ADGRL3: variants seen among roughly 807,000 people sequenced by gnomAD.
ADGRL3 encodes the protein adhesion G protein-coupled receptor L3.
In ADGRL3, 62 loss-of-function variants were observed where a neutral mutation model predicts 153.5. The ratio of observed to expected loss-of-function variants is 0.40; its 90% CI spans 0.33 to 0.50. ADGRL3 has a LOEUF of 0.50. ADGRL3 is among the 20% of genes least tolerant of loss of function. The probability of loss-of-function intolerance (pLI) is 0.47; values close to 1 mark genes in which losing one functional copy is unlikely to be tolerated. For synonymous variants in ADGRL3, 710 were observed against 672.5 expected (o/e 1.06, Z -0.86); for missense variants, 1,641 against 1,859.4 (o/e 0.88, Z 2.16).
intron 2 of ADGRL3, among the ~76,000 whole-genome samples, chr4:61,421,287 GCA>G (rs1553925293): frequency 1.3e-5 from 2 of 151,814 alleles, no homozygotes; most frequent in Non-Finnish European, 2.9e-5. Flanking sequence ...TGAGCCAAGA[GCA>G]CGCCACTGCA....
At chr4:61,455,476 C>A (rs2097723802) in intron 2 of ADGRL3, among the ~76,000 whole-genome samples, 1 of 152,068 alleles carries the variant, frequency 6.6e-6, no homozygotes, top group South Asian at 2.1e-4. Flanking sequence ...CAAGAAGTTT[C>A]CTCAGAATTA....
intron 4 of ADGRL3, among the ~76,000 whole-genome samples, chr4:61,548,429 CT>C (rs1471015288): frequency 6.6e-6 from 1 of 152,048 alleles, no homozygotes; most frequent in Non-Finnish European, 1.5e-5. Flanking sequence ...ACATTTGAGC[CT>C]TTAATCCATC....
intron 2 of ADGRL3, among the ~76,000 whole-genome samples, chr4:61,455,429 A>G: frequency 6.6e-6 from 1 of 152,200 alleles, no homozygotes; most frequent in East Asian, 1.9e-4. Context: ...CTGAGACTGG[A>G]TGCTGAGACC....
At chr4:61,414,326 T>C (rs1328164442) in intron 2 of ADGRL3, among the ~76,000 whole-genome samples, 3 of 152,222 alleles carry the variant, frequency 2.0e-5, no homozygotes, top group African/African-American at 7.2e-5. Context: ...AAACGTAAGA[T>C]ACATTGTCCC....
chr4:61,939,125 T>G (rs1209623043), intron 15 of ADGRL3, among the ~76,000 whole-genome samples: 3 of 152,154 alleles, frequency 2.0e-5, no homozygotes, highest in Admixed American at 6.6e-5. Flanking sequence ...AAGGAAAAAA[T>G]AAGGTGGAAA....
At chr4:61,627,168 C>T (rs186410558) in intron 5 of ADGRL3, among the ~76,000 whole-genome samples, 36 of 152,054 alleles carry the variant, frequency 2.4e-4, no homozygotes, top group African/African-American at 6.8e-4. Context: ...TAGTATTTTG[C>T]GGAATTTTGA....
At chr4:61,559,609 A>G (rs1579529893) in intron 4 of ADGRL3, among the ~76,000 whole-genome samples, 1 of 152,060 alleles carries the variant, frequency 6.6e-6, no homozygotes, top group East Asian at 1.9e-4. Context: ...AATATTTTGT[A>G]CTTAGCTTGT....
intron 25 of ADGRL3, 21 bp downstream of exon 25, chr4:62,044,570 A>G (rs757409183): frequency 5.4e-6 from 8 of 1,468,546 alleles, no homozygotes; most frequent in Non-Finnish European, 7.5e-6. Context: ...ATAATTTTTC[A>G]TATTTATTAC....
chr4:61,419,492 C>T (rs2097178332), intron 2 of ADGRL3, among the ~76,000 whole-genome samples: 1 of 143,144 alleles, frequency 7.0e-6, no homozygotes, highest in Admixed American at 6.7e-5. Flanking sequence ...CAGCCACCCA[C>T]ACTCAGACTG....
intron 1 of ADGRL3, among the ~76,000 whole-genome samples, chr4:61,241,556 T>C (rs1380249554): frequency 6.6e-6 from 1 of 152,098 alleles, no homozygotes; most frequent in African/African-American, 2.4e-5. Context: ...TTATTTCATA[T>C]TTGATTTTTA....
At chr4:61,959,466 T>C (rs1226766421) in intron 17 of ADGRL3, among the ~76,000 whole-genome samples, 1 of 152,162 alleles carries the variant, frequency 6.6e-6, no homozygotes, top group African/African-American at 2.4e-5. Flanking sequence ...AGATTACTAT[T>C]ATCACCCCAT....
At chr4:61,649,036 C>G (rs1261139957) in intron 5 of ADGRL3, among the ~76,000 whole-genome samples, 1 of 151,756 alleles carries the variant, frequency 6.6e-6, no homozygotes, top group Non-Finnish European at 1.5e-5. Context: ...CTAAAAGTAA[C>G]CACTTTTAAC....
rs189656402 is a variant in ADGRL3 at position 61,597,014 on chromosome 4, G to T, written c.473+9574G>T. Reference sequence around the variant, plus strand: ...TATTTGTGATTATGATTTCCAAATGGTAAAAGTGAAGTGTGTTTTTTTTTT... The same window carrying T: ...TATTTGTGATTATGATTTCCAAATGTTAAAAGTGAAGTGTGTTTTTTTTTT... On this transcript the variant is annotated intron_variant, in intron 5 of 26. Coordinates refer to ENST00000683033, the MANE Select transcript of ADGRL3 (RefSeq NM_001387552.1). Among the ~76,000 whole-genome samples, 550 of 150,812 alleles carry T rather than the reference G, an allele frequency of 3.6e-3. 2 individuals carry two copies. The highest frequency in any genetic ancestry group is 7.0e-3 in the Middle Eastern group (2 of 286).
At chr4:61,404,699 G>T (rs1256929227) in intron 2 of ADGRL3, among the ~76,000 whole-genome samples, 1 of 151,956 alleles carries the variant, frequency 6.6e-6, no homozygotes, top group Non-Finnish European at 1.5e-5. Flanking sequence ...TAAGTCATTT[G>T]GTCTAAATCA....
intron 9 of ADGRL3, among the ~76,000 whole-genome samples, chr4:61,882,120 TA>T (rs1221738247): frequency 8.5e-5 from 13 of 152,350 alleles, no homozygotes; most frequent in African/African-American, 3.1e-4. Context: ...ATAATTGTAT[TA>T]ACATTTTCGT....
At chr4:61,391,500 C>T (rs1056362204) in intron 2 of ADGRL3, among the ~76,000 whole-genome samples, 2 of 152,110 alleles carry the variant, frequency 1.3e-5, no homozygotes, top group Admixed American at 1.3e-4. Context: ...ACATCCAAAC[C>T]ACATCAAAGT....
At position 61,934,769 on chromosome 4, in the gene ADGRL3, T is replaced by C. The variant is rs557662552; in HGVS notation, c.2113-71T>C. ...GCTGATCCTTGCTTGCTGGGCAACA[T>C]GTACACCTGGATTTCTGACAGCTAT... On this transcript the variant is annotated intron_variant, in intron 13 of 26. Transcript: ENST00000683033. The C allele has an allele frequency of 6.3e-5, 77 of 1,228,354 alleles. No individual in the cohort carries two copies. The African/African-American group carries it at 1.1e-3, about 17-fold the overall frequency. The allele number at this position is 1,228,354 out of a possible 1,614,324, so 76.1% of individuals were successfully genotyped here. A position where few individuals can be genotyped will look rare whatever the true frequency, so the allele number is the denominator to read the frequency against.
chr4:61,629,356 C>T (rs1329271279), intron 5 of ADGRL3, among the ~76,000 whole-genome samples: 1 of 151,904 alleles, frequency 6.6e-6, no homozygotes. Flanking sequence ...ATCTATTCAT[C>T]TTGTTTATTC....
chr4:61,936,859 G>T (rs893012272), intron 15 of ADGRL3, among the ~76,000 whole-genome samples: 6 of 149,906 alleles, frequency 4.0e-5, no homozygotes, highest in African/African-American at 1.2e-4. Flanking sequence ...CATTTAATCT[G>T]CCAAGTGATA....
Sources: allele counts gnomAD v4.1 joint callset (sites outside exome capture counted in the v4.1 genomes callset), GRCh38; gene constraint gnomAD v4.1.1; transcripts MANE v1.5; gene names NCBI Gene and HGNC (gene_info 2026-07-23, HGNC 2026-07-21).